Variants in INCA1 observed in about 807,000 individuals in gnomAD.
INCA1 encodes inhibitor of CDK, cyclin A1 interacting protein 1.
In INCA1, 28 loss-of-function variants were observed where a neutral mutation model predicts 25.7. The observed-to-expected ratio is 1.09, with a 90% CI of 0.81 to 1.49. The LOEUF (loss-of-function observed/expected upper bound fraction) is 1.49. Ranked by LOEUF, INCA1 falls within the 40% of genes most tolerant of loss-of-function variation. INCA1 has a pLI of 0.00. For missense variants in INCA1, 309 were observed against 290.9 expected, an observed-to-expected ratio of 1.06 and a Z score of -0.45; for synonymous variants, 111 against 103.6, an observed-to-expected ratio of 1.07 and a Z score of -0.43.
intron 1 of INCA1, among the ~76,000 whole-genome samples, chr17:4,996,235 A>G (rs1166686562): frequency 6.6e-6 from 1 of 151,520 alleles, no homozygotes; most frequent in African/African-American, 2.4e-5. Context: ...AATACGAAAA[A>G]GTTTAGCCAG....
At chr17:4,989,521 A>T in exon 5 of INCA1, 1 of 1,614,218 alleles carries the variant, frequency 6.2e-7, no homozygotes. Context: ...CTGCTGCTGC[A>T]TTCCTTCCAA....
chr17:4,993,768 T>C (rs1362833679), intron 2 of INCA1, among the ~76,000 whole-genome samples: 1 of 73,466 alleles, frequency 1.4e-5, no homozygotes, highest in Non-Finnish European at 2.5e-5. Flanking sequence ...GTGCCTGGCC[T>C]TTTTTTTTTT....
At chr17:4,990,033 A>T in intron 3 of INCA1, 104 bp from the exon 4 acceptor site, 3 of 1,612,142 alleles carry the variant, frequency 1.9e-6, no homozygotes, top group Non-Finnish European at 2.5e-6. Context: ...TAGGAGCTAC[A>T]ATGTCCACCA....
At chr17:4,989,588 G>A in exon 5 of INCA1, 3 of 1,614,194 alleles carry the variant, frequency 1.9e-6, no homozygotes, top group Non-Finnish European at 2.5e-6. Context: ...AGCTGCTCAG[G>A]AGGATACAGA....
intron 2 of INCA1, among the ~76,000 whole-genome samples, chr17:4,990,687 G>A (rs982648510): frequency 2.0e-5 from 3 of 151,722 alleles, no homozygotes. Context: ...TCCAAGACCA[G>A]CCTGGCCAAC....
At position 4,989,633 on chromosome 17, in the gene INCA1, G is replaced by A. The variant is rs1469823099; in HGVS notation, c.199-9C>T. 2 of 1,611,904 alleles carry A rather than the reference G, an allele frequency of 1.2e-6. No individual in the cohort carries two copies. Among genetic ancestry groups the A allele is most frequent in the Non-Finnish European group, 1.7e-6 (2 of 1,178,740 alleles). On this transcript the variant is annotated splice_polypyrimidine_tract_variant and intron_variant, in intron 4 of 6. Transcript: ENST00000576820. ...GAGCAACCAGTGGCTCTCTGTGCCA[G>A]AGAATGGGGAAAAAGAGCTAGAAAG...
At chr17:4,988,386 CG>C in exon 7 of INCA1, 2 of 1,580,310 alleles carry the variant, frequency 1.3e-6, no homozygotes, top group South Asian at 2.3e-5. Flanking sequence ...ACTAGCCTCT[CG>C]GCATCGGTGG....
intron 2 of INCA1, among the ~76,000 whole-genome samples, chr17:4,993,944 G>C (rs1597818090): frequency 6.6e-6 from 1 of 150,754 alleles, no homozygotes; most frequent in African/African-American, 2.4e-5. Context: ...GCTAATTTTT[G>C]TATTTCTAGT....
intron 2 of INCA1, among the ~76,000 whole-genome samples, chr17:4,993,818 C>T (rs1974046087): frequency 8.0e-6 from 1 of 124,674 alleles, no homozygotes; most frequent in South Asian, 2.7e-4. Context: ...GTCGCCCAGG[C>T]TGGAGTGCAG....
intron 3 of INCA1, 76 bp downstream of exon 3, chr17:4,990,076 A>G (rs1748412604): frequency 2.5e-6 from 4 of 1,610,360 alleles, no homozygotes; most frequent in South Asian, 2.2e-5. Context: ...ACTAGGGCCT[A>G]TTGCTATATG....
At chr17:4,993,499 C>T (rs1340707033) in intron 2 of INCA1, among the ~76,000 whole-genome samples, 3 of 151,296 alleles carry the variant, frequency 2.0e-5, no homozygotes, top group Non-Finnish European at 4.4e-5. Flanking sequence ...GACGGAGTCT[C>T]GCTTTGTCAC....
At chr17:4,994,337 G>C in intron 2 of INCA1, 57 bp downstream of exon 2, 3 of 1,506,296 alleles carry the variant, frequency 2.0e-6, no homozygotes, top group Non-Finnish European at 1.8e-6. Flanking sequence ...AAGGACCCAG[G>C]CATGCAATAT....
exon 6 of INCA1, chr17:4,988,938 C>T (rs1293402242): frequency 3.1e-6 from 5 of 1,613,660 alleles, no homozygotes; most frequent in Non-Finnish European, 3.4e-6. Flanking sequence ...ACTGGGCCTT[C>T]TTCAGTCTGT....
Position 4,988,939 on chromosome 17 carries a change from TTC to T in INCA1, c.399_400del (p.Lys134GlufsTer12), listed in dbSNP as rs1567706801. 6.2e-7 allele frequency: 1 copy of T among 1,613,652 alleles called. No homozygotes were observed. The highest frequency in any genetic ancestry group is 2.2e-5 in the East Asian group (1 of 44,878). ...CCCAGAGCTGCCCCACTGGGCCTTC[TTC>T]AGTCTGTGGAGACTTTAGGCTGAGG... is the stretch of plus-strand genomic sequence containing the variant. On this transcript the variant is annotated frameshift_variant, in exon 6 of 7. Transcript: ENST00000576820. LOFTEE classifies it high-confidence loss of function.
rs548628121 is a variant in INCA1, at chr17:4,989,139, A to G, written c.396-195T>C. ...GTCTAGGAACCCAGAGGTGACCCCA[A>G]CCTCCCCACTGTCCTCCAGTTCTAT... On this transcript the variant is annotated intron_variant, in intron 5 of 6. Transcript: ENST00000576820. Among the ~76,000 whole-genome samples, 49 of 150,614 alleles carry G rather than the reference A, an allele frequency of 3.3e-4. 2 individuals carry two copies. The highest frequency in any genetic ancestry group is 1.0e-4 in the Non-Finnish European group (7 of 67,604).
chr17:4,993,867 G>A (rs546710381), intron 2 of INCA1, among the ~76,000 whole-genome samples: 6 of 150,724 alleles, frequency 4.0e-5, no homozygotes, highest in South Asian at 2.1e-4. Flanking sequence ...TGCCTCCTGG[G>A]TTCAAGCAAT....
At position 4,989,411 on chromosome 17, in the gene INCA1, ATGTCTC is replaced by A; in HGVS notation, c.395+11_395+16del. 6.2e-7 allele frequency: 1 copy of A among 1,604,684 alleles called. No homozygotes were observed. Among genetic ancestry groups the A allele is most frequent in the Admixed American group, 1.7e-5 (1 of 59,416 alleles). ...ATCCTGCATGACTCCCAGAACCCAG[ATGTCTC>A]CCTTCCTTACTCGTTGATGATGCTC... On this transcript the variant is annotated intron_variant, in intron 5 of 6. Coordinates refer to ENST00000576820, the Ensembl canonical transcript of INCA1.
chr17:4,989,863 T>A lies in INCA1; in HGVS notation c.198+27A>T, dbSNP rs898039488. 3.7e-6 allele frequency: 6 copies of A among 1,613,828 alleles called. No homozygotes were observed. The African/African-American group carries it at 8.0e-5, about 22-fold the overall frequency. On this transcript the variant is annotated intron_variant, in intron 4 of 6. Transcript: ENST00000576820. The stretch of plus-strand genomic sequence containing the variant: ...AGTGGGTGCAATTTTAACAGAGAAA[T>A]GTTAAACGGCAGAGGGTCTGTCTTA...
intron 5 of INCA1, 42 bp from the exon 6 acceptor site, chr17:4,988,986 A>G (rs1279524678): frequency 6.3e-7 from 1 of 1,575,802 alleles, no homozygotes; most frequent in Non-Finnish European, 8.6e-7. Context: ...CCTGGAGGCC[A>G]GGCTTCCTGT....
Sources: gnomAD v4.1 joint callset for allele counts (sites outside exome capture counted in the v4.1 genomes callset) on GRCh38, gnomAD v4.1.1 for gene constraint, MANE v1.5 for transcripts, NCBI Gene and HGNC (gene_info 2026-07-23, HGNC 2026-07-21) for gene names.